LRRC3B: variants seen among roughly 807,000 people sequenced by gnomAD.
LRRC3B encodes leucine-rich repeat-containing protein 3B.
LRRC3B carries 2 observed loss-of-function variants against 12.8 expected under a neutral mutation model. That is an observed-to-expected ratio of 0.16 (90% confidence interval 0.06 to 0.49). The LOEUF is 0.49. Among genes scored for constraint, LRRC3B ranks in the 20% least tolerant of loss-of-function variants. The pLI is 0.96. For missense variants in LRRC3B, 189 were observed against 319.4 expected, an observed-to-expected ratio of 0.59 and a Z score of 3.11; for synonymous variants, 132 against 122.0, an observed-to-expected ratio of 1.08 and a Z score of -0.54.
chr3:26,707,488 G>A (rs1212584288), intron 1 of LRRC3B, among the ~76,000 whole-genome samples: 1 of 152,094 alleles, frequency 6.6e-6, no homozygotes, highest in Non-Finnish European at 1.5e-5. Flanking sequence ...CTGTCATGGA[G>A]CTTGTACTCT....
intron 1 of LRRC3B, among the ~76,000 whole-genome samples, chr3:26,646,054 T>C (rs563873050): frequency 6.6e-6 from 1 of 152,290 alleles, no homozygotes; most frequent in South Asian, 2.1e-4. Flanking sequence ...CTTGTTCTCT[T>C]GTTGATGAAT....
At chr3:26,710,449 A>G in exon 2 of LRRC3B, 2 of 1,585,434 alleles carry the variant, frequency 1.3e-6, no homozygotes, top group South Asian at 2.3e-5. Flanking sequence ...GCACTGTGGT[A>G]TAGTGTCCAA....
chr3:26,682,507 A>G (rs1699991937), intron 1 of LRRC3B, among the ~76,000 whole-genome samples: 1 of 152,172 alleles, frequency 6.6e-6, no homozygotes, highest in Non-Finnish European at 1.5e-5. Flanking sequence ...AACTGTAGTT[A>G]TTCATAACTA....
chr3:26,691,184 G>T (rs547170631), intron 1 of LRRC3B, among the ~76,000 whole-genome samples: 1 of 144,226 alleles, frequency 6.9e-6, no homozygotes, highest in African/African-American at 2.6e-5. Flanking sequence ...ATGATCTCCC[G>T]TGTGATCATT....
intron 1 of LRRC3B, among the ~76,000 whole-genome samples, chr3:26,667,452 A>G (rs1354364795): frequency 6.6e-6 from 1 of 152,166 alleles, no homozygotes; most frequent in East Asian, 1.9e-4. Context: ...CCTAGCAACA[A>G]TTTAGAGTAG....
At chr3:26,660,100 A>G (rs1699462866) in intron 1 of LRRC3B, among the ~76,000 whole-genome samples, 1 of 152,166 alleles carries the variant, frequency 6.6e-6, no homozygotes, top group South Asian at 2.1e-4. Flanking sequence ...GGCTCCCTTC[A>G]TAATTATATT....
At chr3:26,671,247 C>G (rs1434521733) in intron 1 of LRRC3B, among the ~76,000 whole-genome samples, 1 of 144,682 alleles carries the variant, frequency 6.9e-6, no homozygotes, top group Non-Finnish European at 1.5e-5. Context: ...GATCTCCTGA[C>G]CTCGTGATCC....
chr3:26,660,478 G>A (rs1036288651), intron 1 of LRRC3B, among the ~76,000 whole-genome samples: 1 of 152,086 alleles, frequency 6.6e-6, no homozygotes, highest in African/African-American at 2.4e-5. Flanking sequence ...GTGTAAACAG[G>A]TAACATTTTA....
chr3:26,653,690 T>A (rs1014438123), intron 1 of LRRC3B, among the ~76,000 whole-genome samples: 1 of 152,214 alleles, frequency 6.6e-6, no homozygotes, highest in African/African-American at 2.4e-5. Flanking sequence ...GCCTAAGTCA[T>A]TTCTCTGAGT....
chr3:26,690,143 T>A (rs1166147231), intron 1 of LRRC3B, among the ~76,000 whole-genome samples: 1 of 152,140 alleles, frequency 6.6e-6, no homozygotes, highest in Non-Finnish European at 1.5e-5. Context: ...TAAAAATTGG[T>A]TTGATGTGGT....
chr3:26,696,160 A>T lies in LRRC3B; in HGVS notation c.-160-13353A>T, dbSNP rs541879628. Among the ~76,000 whole-genome samples the T allele has an allele frequency of 1.5e-4, 23 of 152,370 alleles. 1 individual carries two copies. Among genetic ancestry groups the T allele is most frequent in the Admixed American group, 1.2e-3 (19 of 15,308 alleles). On this transcript the variant is annotated intron_variant, in intron 1 of 1. Transcript: ENST00000396641. Reference sequence around the variant, plus strand: ...CCATTCACTGAGGTACTATGCAGGCATTAAAATGATGAAAGTCATGACAAT... The same window carrying T: ...CCATTCACTGAGGTACTATGCAGGCTTTAAAATGATGAAAGTCATGACAAT...
At chr3:26,629,212 T>TTCCC (rs1698697859) in intron 1 of LRRC3B, among the ~76,000 whole-genome samples, 1 of 134,892 alleles carries the variant, frequency 7.4e-6, no homozygotes. Flanking sequence ...CCTTCCTTCC[T>TTCCC]TCCCTCCCTC....
chr3:26,671,654 A>G (rs1381348850), intron 1 of LRRC3B, among the ~76,000 whole-genome samples: 1 of 151,758 alleles, frequency 6.6e-6, no homozygotes, highest in African/African-American at 2.4e-5. Context: ...TGGCCTCCCA[A>G]AGTGCTGGGA....
At chr3:26,694,293 G>T (rs1310676949) in intron 1 of LRRC3B, among the ~76,000 whole-genome samples, 1 of 152,208 alleles carries the variant, frequency 6.6e-6, no homozygotes, top group Non-Finnish European at 1.5e-5. Flanking sequence ...GACGCCTTCA[G>T]CAGGGAGCCA....
chr3:26,692,666 C>T (rs2125450542), intron 1 of LRRC3B, among the ~76,000 whole-genome samples: 1 of 152,210 alleles, frequency 6.6e-6, no homozygotes, highest in Non-Finnish European at 1.5e-5. Flanking sequence ...ATGTGTGAAA[C>T]AAATATTAAT....
At position 26,635,818 on chromosome 3, in the gene LRRC3B, CTGTT is replaced by C. The variant is rs372851534; in HGVS notation, c.-161+12583_-161+12586del. On this transcript the variant is annotated intron_variant, in intron 1 of 1. Coordinates refer to ENST00000396641, the Ensembl canonical transcript of LRRC3B. ...CACATAATTGGCACTCAGTAACTGT[CTGTT>C]TAATGAATCAATGAACACTAATGAT... Among the ~76,000 whole-genome samples, 488 of 152,270 alleles carry C rather than the reference CTGTT, an allele frequency of 3.2e-3. 2 individuals carry two copies. Among genetic ancestry groups the C allele is most frequent in the African/African-American group, 0.011 (458 of 41,556 alleles).
intron 1 of LRRC3B, among the ~76,000 whole-genome samples, chr3:26,694,086 C>G (rs1700251038): frequency 6.6e-6 from 1 of 152,296 alleles, no homozygotes; most frequent in African/African-American, 2.4e-5. Flanking sequence ...TCAAGTGCAA[C>G]TAGAATCCTC....
chr3:26,632,515 C>T (rs573262514), intron 1 of LRRC3B, among the ~76,000 whole-genome samples: 40 of 151,976 alleles, frequency 2.6e-4, no homozygotes, highest in Admixed American at 1.7e-3. Flanking sequence ...GTATCTCGGG[C>T]GATGGCGAGA....
At chr3:26,700,129 A>G (rs1490195808) in intron 1 of LRRC3B, among the ~76,000 whole-genome samples, 1 of 152,164 alleles carries the variant, frequency 6.6e-6, no homozygotes, top group African/African-American at 2.4e-5. Flanking sequence ...ATAGATTTCA[A>G]AAGTGGAAAA....
Sources: allele counts gnomAD v4.1 joint callset (sites outside exome capture counted in the v4.1 genomes callset), GRCh38; gene constraint gnomAD v4.1.1; transcripts MANE v1.5; gene names NCBI Gene and HGNC (gene_info 2026-07-23, HGNC 2026-07-21).